The following DDX19A variants were observed in gnomAD, a reference collection of about 807,000 sequenced individuals.
DDX19A encodes DEAD-box helicase 19A.
Under a neutral mutation model 60.6 loss-of-function variants are expected in DDX19A, and 12 were observed. The observed-to-expected ratio is 0.20, with a 90% CI of 0.13 to 0.32. DDX19A has a LOEUF of 0.32. DDX19A is among the 10% of genes least tolerant of loss of function. DDX19A has a pLI of 1.00. For synonymous variants in DDX19A, 206 were observed against 218.2 expected, an observed-to-expected ratio of 0.94 and a Z score of 0.49; for missense variants, 337 against 600.6, an observed-to-expected ratio of 0.56 and a Z score of 4.59.
At chr16:70,358,440 G>A (rs1366069786) in intron 4 of DDX19A, among the ~76,000 whole-genome samples, 1 of 151,582 alleles carries the variant, frequency 6.6e-6, no homozygotes, top group Non-Finnish European at 1.5e-5. Flanking sequence ...AAATTGCTAG[G>A]ATTACAGGTG....
At chr16:70,370,122 A>G in intron 9 of DDX19A, 101 bp from the exon 10 acceptor site, 1 of 1,451,500 alleles carries the variant, frequency 6.9e-7, no homozygotes. Flanking sequence ...ACTTGAGCCC[A>G]GGACTTTTTA....
chr16:70,370,510 A>T (rs186752520), intron 10 of DDX19A, 125 bp downstream of exon 10: 1 of 1,388,120 alleles, frequency 7.2e-7, no homozygotes, highest in Non-Finnish European at 9.6e-7. Context: ...TGGTGACACT[A>T]TTCCTTTCTA....
intron 5 of DDX19A, 62 bp downstream of exon 5, chr16:70,361,572 GT>G: frequency 2.9e-6 from 4 of 1,392,322 alleles, no homozygotes; most frequent in South Asian, 2.3e-5. Context: ...CCCAAACTGC[GT>G]TTTTGTGCCT....
At chr16:70,366,511 T>C (rs374806522) in intron 8 of DDX19A, 113 bp from the exon 9 acceptor site, 20 of 1,435,828 alleles carry the variant, frequency 1.4e-5, no homozygotes, top group African/African-American at 1.3e-4. Flanking sequence ...CTCCCCAAGA[T>C]GCTCCTCCCC....
intron 2 of DDX19A, 127 bp downstream of exon 2, chr16:70,350,732 G>T: frequency 1.5e-6 from 1 of 662,442 alleles, no homozygotes; most frequent in South Asian, 2.5e-5. Flanking sequence ...CAGTGAATTA[G>T]ATTTTGTTAC....
intron 2 of DDX19A, among the ~76,000 whole-genome samples, chr16:70,354,154 T>C (rs1165819989): frequency 2.0e-5 from 3 of 151,928 alleles, no homozygotes; most frequent in Non-Finnish European, 4.4e-5. Flanking sequence ...TTTTTTTTTT[T>C]CTTTTTTTGA....
chr16:70,353,261 C>G (rs1567649848), intron 2 of DDX19A, among the ~76,000 whole-genome samples: 2 of 151,794 alleles, frequency 1.3e-5, no homozygotes, highest in Admixed American at 6.6e-5. Context: ...ATTACAGGTG[C>G]CTGCCTTGCA....
At chr16:70,355,305 G>A (rs548014541) in intron 2 of DDX19A, among the ~76,000 whole-genome samples, 180 bp from the exon 3 acceptor site, 5 of 152,298 alleles carry the variant, frequency 3.3e-5, no homozygotes, top group Non-Finnish European at 7.3e-5. Flanking sequence ...AACCCAGGAG[G>A]TGGAGGTTGC....
chr16:70,371,203 TG>T, intron 10 of DDX19A, 168 bp from the exon 11 acceptor site: 1 of 1,164,578 alleles, frequency 8.6e-7, no homozygotes, highest in Non-Finnish European at 1.2e-6. Context: ...TCTTTTCCTC[TG>T]GGTTCTGTTG....
In DDX19A at chr16:70,372,209, A is replaced by C. The variant is rs573110235; in HGVS notation, c.*223A>C. ...TTTTGGAAAATTGGGTCCTTTCCCCACTTTTTTAAAGCCACATTCCCCCAT... is the reference window on the plus strand; with the variant it reads ...TTTTGGAAAATTGGGTCCTTTCCCCCCTTTTTTAAAGCCACATTCCCCCAT... On this transcript the variant is annotated 3_prime_UTR_variant, in exon 12 of 12. Transcript: ENST00000302243. 32 of 650,942 alleles carry C rather than the reference A, an allele frequency of 4.9e-5. No homozygotes were observed. The South Asian group carries it at 5.5e-4, about 11-fold the overall frequency. The allele number at this position is 650,942 out of a possible 1,614,324, so 40.3% of individuals were successfully genotyped here.
chr16:70,369,181 T>G lies in DDX19A; in HGVS notation c.1021-1042T>G, dbSNP rs577014558. ...CGTGCCCGGCCAATCTGGTTTTTTTTTTTTTTTTTTTTTTTTTGAAACGGA... is the reference window on the plus strand; with the variant it reads ...CGTGCCCGGCCAATCTGGTTTTTTTGTTTTTTTTTTTTTTTTTGAAACGGA... On this transcript the variant is annotated intron_variant, in intron 9 of 11. Transcript: ENST00000302243. Among the ~76,000 whole-genome samples the G allele has an allele frequency of 8.7e-4, 117 of 134,162 alleles. 1 individual carries two copies. Among genetic ancestry groups the G allele is most frequent in the African/African-American group, 3.5e-3 (116 of 32,722 alleles). 88.0% of individuals were successfully genotyped at this position (134,162 alleles called of 152,430 possible).
intron 9 of DDX19A, 139 bp from the exon 10 acceptor site, chr16:70,370,084 C>T: frequency 1.6e-6 from 2 of 1,220,536 alleles, no homozygotes; most frequent in South Asian, 1.7e-5. Context: ...GTACTCCCAG[C>T]CCTTTGGGAA....
chr16:70,355,223 A>T (rs1324137843), intron 2 of DDX19A, among the ~76,000 whole-genome samples: 1 of 152,078 alleles, frequency 6.6e-6, no homozygotes, highest in Non-Finnish European at 1.5e-5. Flanking sequence ...CTAAAATTAC[A>T]TAAATTAGCC....
intron 4 of DDX19A, among the ~76,000 whole-genome samples, chr16:70,357,454 A>C (rs1567652162): frequency 8.1e-6 from 1 of 123,202 alleles, no homozygotes; most frequent in Admixed American, 1.1e-4. Context: ...GCGTGATCTC[A>C]GCTCACCACA....
chr16:70,351,961 C>G (rs1435828945), intron 2 of DDX19A, among the ~76,000 whole-genome samples: 1 of 151,964 alleles, frequency 6.6e-6, no homozygotes, highest in Non-Finnish European at 1.5e-5. Flanking sequence ...CCCTAGTGAC[C>G]TCATCTTAAC....
At chr16:70,353,768 G>A (rs550733704) in intron 2 of DDX19A, among the ~76,000 whole-genome samples, 21 of 152,060 alleles carry the variant, frequency 1.4e-4, no homozygotes, top group South Asian at 8.3e-4. Flanking sequence ...GGGCATGGTG[G>A]TGCATGCCTG....
intron 9 of DDX19A, among the ~76,000 whole-genome samples, chr16:70,369,173 GTTTTTTTTTT>G (rs560443179): frequency 9.3e-5 from 9 of 96,332 alleles, no homozygotes; most frequent in Admixed American, 2.3e-4. Flanking sequence ...GGCCAATCTG[GTTTTTTTTTT>G]TTTTTTTTTT....
At chr16:70,348,238 G>A (rs751963204) in intron 1 of DDX19A, among the ~76,000 whole-genome samples, 1 of 152,052 alleles carries the variant, frequency 6.6e-6, no homozygotes, top group Admixed American at 6.6e-5. Flanking sequence ...GGGAGATAAA[G>A]CCAAAGGTTT....
intron 1 of DDX19A, among the ~76,000 whole-genome samples, chr16:70,348,409 C>T (rs1284579047): frequency 6.6e-6 from 1 of 151,692 alleles, no homozygotes; most frequent in Non-Finnish European, 1.5e-5. Context: ...GCAGATCACT[C>T]GAGGTCAAGA....
Sources: allele counts gnomAD v4.1 joint callset (sites outside exome capture counted in the v4.1 genomes callset), GRCh38; gene constraint gnomAD v4.1.1; transcripts MANE v1.5; gene names NCBI Gene and HGNC (gene_info 2026-07-23, HGNC 2026-07-21).